RPL31: variants seen among roughly 807,000 people sequenced by gnomAD.
RPL31 encodes large ribosomal subunit protein eL31.
For missense variants in RPL31, 95 were observed against 164.0 expected, an observed-to-expected ratio of 0.58 and a Z score of 2.30; for synonymous variants, 51 against 55.0, an observed-to-expected ratio of 0.93 and a Z score of 0.32.
chr2:101,010,923 C>G (rs1679162843), downstream of RPL31: 3 of 1,608,166 alleles, frequency 1.9e-6, no homozygotes, highest in Non-Finnish European at 2.5e-6. Flanking sequence ...TGAAGAAAGT[C>G]CATACCTGGC....
chr2:101,008,658 C>T (rs1365898651), downstream of RPL31, among the ~76,000 whole-genome samples: 1 of 151,978 alleles, frequency 6.6e-6, no homozygotes, highest in Non-Finnish European at 1.5e-5. Flanking sequence ...ACTAAAAATA[C>T]AAAATTAGCC....
chr2:101,013,695 C>T (rs1679405005), intron 4 of RPL31, among the ~76,000 whole-genome samples: 2 of 152,224 alleles, frequency 1.3e-5, no homozygotes, highest in African/African-American at 2.4e-5. Flanking sequence ...GTCATTGCCA[C>T]TGCCATCTTC....
Position 101,018,097 on chromosome 2 carries a change from A to C in RPL31, c.347-901A>C, listed in dbSNP as rs547557660. 1.0e-4 allele frequency: 62 copies of C among 622,074 alleles called. No homozygotes were observed. The East Asian group carries it at 1.5e-3, about 16-fold the overall frequency. The allele number at this position is 622,074 out of a possible 1,614,324, so 38.5% of individuals were successfully genotyped here. A position where few individuals can be genotyped will look rare whatever the true frequency, so the allele number is the denominator to read the frequency against. On this transcript the variant is annotated intron_variant, in intron 4 of 4. Coordinates refer to the RPL31 transcript ENST00000409028. ...GCTAATGGGACTAGATTTTGAATCCAATCAACACTTTTTCATATAAAGTTT... is the reference window on the plus strand; with the variant it reads ...GCTAATGGGACTAGATTTTGAATCCCATCAACACTTTTTCATATAAAGTTT...
intron 4 of RPL31, among the ~76,000 whole-genome samples, chr2:101,017,406 A>G (rs1332490862): frequency 6.6e-6 from 1 of 152,224 alleles, no homozygotes; most frequent in East Asian, 1.9e-4. Flanking sequence ...ACTTTTATAC[A>G]ACGGCAATAG....
chr2:101,011,435 GAAAA>G, downstream of RPL31: 1 of 1,613,588 alleles, frequency 6.2e-7, no homozygotes, highest in Non-Finnish European at 8.5e-7. Context: ...AAGCAACAAT[GAAAA>G]GAGGTACGTG....
At chr2:101,006,249 T>G in intron 4 of RPL31, 101 bp from the exon 5 acceptor site, 3 of 1,537,098 alleles carry the variant, frequency 2.0e-6, no homozygotes, top group Non-Finnish European at 1.7e-6. Context: ...TGTAAAAAGG[T>G]TGTGGAAAAT....
chr2:101,015,627 C>T (rs1679572323), intron 4 of RPL31, among the ~76,000 whole-genome samples: 1 of 152,072 alleles, frequency 6.6e-6, no homozygotes, highest in South Asian at 2.1e-4. Flanking sequence ...GACACCTAAG[C>T]CAAAAGAACA....
At chr2:101,019,646 G>A (rs1679903478) in exon 5 of RPL31, 1 of 152,178 alleles carries the variant, frequency 6.6e-6, no homozygotes, top group Non-Finnish European at 1.5e-5. Context: ...AATCAGATAT[G>A]TTCAAAAAGG....
intron 3 of RPL31, chr2:101,005,293 C>T (rs946198037): frequency 6.6e-6 from 1 of 152,580 alleles, no homozygotes; most frequent in African/African-American, 2.4e-5. Flanking sequence ...GAGTATGCGC[C>T]TGTGGCAGAG....
chr2:101,009,043 G>A (rs533333424), downstream of RPL31, among the ~76,000 whole-genome samples: 4 of 152,278 alleles, frequency 2.6e-5, no homozygotes, highest in Admixed American at 1.3e-4. Flanking sequence ...AATACGTAAT[G>A]TGAGGACAGG....
intron 2 of RPL31, among the ~76,000 whole-genome samples, chr2:101,003,066 T>C (rs1678600612): frequency 6.6e-6 from 1 of 152,178 alleles, no homozygotes; most frequent in South Asian, 2.1e-4. Context: ...CCTGTTCCCT[T>C]CCCTACCCAA....
downstream of RPL31, chr2:101,008,000 T>C: frequency 2.5e-6 from 4 of 1,613,982 alleles, no homozygotes; most frequent in Non-Finnish European, 3.4e-6. Context: ...AGGGAGACAG[T>C]CCAGTCCCTT....
Position 101,016,094 on chromosome 2 carries a change from GCTT to G in RPL31, c.347-2901_347-2899del, listed in dbSNP as rs760811287. On this transcript the variant is annotated intron_variant, in intron 4 of 4. Transcript: ENST00000409028. ...AAATGGGATCTAATTAAACTAAAGA[GCTT>G]CTGCACAGCAAAAGAAACTACCATC... Among the ~76,000 whole-genome samples, 798 of 152,204 alleles carry G rather than the reference GCTT, an allele frequency of 5.2e-3. 6 individuals are homozygous for G. The highest frequency in any genetic ancestry group is 9.7e-3 in the Non-Finnish European group (659 of 68,006).
At chr2:101,011,044 CAA>C (rs1345360341), downstream of RPL31, 2 of 1,601,206 alleles carry the variant, frequency 1.2e-6, no homozygotes, top group East Asian at 2.4e-5. Context: ...CAAAGGAAAA[CAA>C]TATGTGGTTT....
At chr2:101,011,270 C>A, downstream of RPL31, 1 of 717,974 alleles carries the variant, frequency 1.4e-6, no homozygotes, top group South Asian at 1.9e-5. Flanking sequence ...CAAGGGGCAG[C>A]CACCCAGCAA....
intron 4 of RPL31, among the ~76,000 whole-genome samples, chr2:101,017,404 A>G (rs1453481260): frequency 2.0e-5 from 3 of 152,364 alleles, no homozygotes; most frequent in Non-Finnish European, 4.4e-5. Flanking sequence ...ATACTTTTAT[A>G]CAACGGCAAT....
chr2:101,006,081 C>G lies in RPL31; in HGVS notation c.346+10C>G. On this transcript the variant is annotated intron_variant, in intron 4 of 4. Coordinates refer to ENST00000264258, the MANE Select transcript of RPL31 (RefSeq NM_000993.5). Reference sequence around the variant, plus strand: ...GTTACCACTTTCAAAAGTAAGTTCTCCATCCCATAAAGCCATTTAAATTCA... The same window carrying G: ...GTTACCACTTTCAAAAGTAAGTTCTGCATCCCATAAAGCCATTTAAATTCA... The G allele has an allele frequency of 1.9e-6, 3 of 1,612,040 alleles. No individual in the cohort carries two copies. Among genetic ancestry groups the G allele is most frequent in the Non-Finnish European group, 2.5e-6 (3 of 1,179,222 alleles).
chr2:101,010,077 C>T (rs1026095297), downstream of RPL31, among the ~76,000 whole-genome samples: 4 of 152,124 alleles, frequency 2.6e-5, no homozygotes, highest in Middle Eastern at 3.4e-3. Flanking sequence ...CCACCCGCCT[C>T]GGCCTCCCAA....
rs1679741592 is a variant in RPL31, at chr2:101,017,491, G to C, written c.347-1507G>C. 2.0e-5 allele frequency among the ~76,000 whole-genome samples: 3 copies of C among 152,220 alleles called. No homozygotes were observed. In the South Asian group the frequency reaches 6.2e-4, roughly 32 times the overall value. On this transcript the variant is annotated intron_variant, in intron 4 of 4. Coordinates refer to the RPL31 transcript ENST00000409028. ...ATGGTGTTTACAATGGCTAAGATAG[G>C]AATTTTTCAGTCTCGCTGTAATCCT...
Sources: gnomAD v4.1 joint callset for allele counts (sites outside exome capture counted in the v4.1 genomes callset) on GRCh38, gnomAD v4.1.1 for gene constraint, MANE v1.5 for transcripts, NCBI Gene and HGNC (gene_info 2026-07-23, HGNC 2026-07-21) for gene names.